The following ROPN1 variants were observed in gnomAD, a reference collection of about 807,000 sequenced individuals.
ROPN1 encodes rhophilin associated tail protein 1.
A neutral mutation model predicts 20.5 loss-of-function variants in ROPN1; 14 were observed. That is an observed-to-expected ratio of 0.68 (90% CI 0.45 to 1.07). The LOEUF (loss-of-function observed/expected upper bound fraction) is 1.07, where lower values mean the gene tolerates loss of function less well. Among genes scored for constraint, ROPN1 ranks in the 50% least tolerant of loss-of-function variants. The pLI, the probability that ROPN1 is intolerant of heterozygous loss-of-function variation, is 0.00. For missense variants in ROPN1, 169 were observed against 242.8 expected, an observed-to-expected ratio of 0.70 and a Z score of 2.02; for synonymous variants, 76 against 95.7, an observed-to-expected ratio of 0.79 and a Z score of 1.20.
At chr3:123,980,169 G>A (rs1355727757) in intron 2 of ROPN1, 197 bp downstream of exon 2, 13 of 615,388 alleles carry the variant, frequency 2.1e-5, no homozygotes, top group Non-Finnish European at 3.8e-5. Context: ...CCTTAGGGGA[G>A]GCATCCCATC....
intron 5 of ROPN1, among the ~76,000 whole-genome samples, chr3:123,969,426 C>A (rs1321573580): frequency 1.3e-5 from 2 of 152,158 alleles, no homozygotes; most frequent in Non-Finnish European, 2.9e-5. Context: ...CAACCTCTGC[C>A]TCCTGGGCTC....
chr3:123,988,131 C>A (rs1257179996), intron 1 of ROPN1, among the ~76,000 whole-genome samples: 1 of 151,488 alleles, frequency 6.6e-6, no homozygotes, highest in East Asian at 2.0e-4. Flanking sequence ...CCATTTTCAT[C>A]TTTTACTTGT....
At chr3:123,989,947 C>T (rs1317584910) in intron 1 of ROPN1, among the ~76,000 whole-genome samples, 2 of 152,162 alleles carry the variant, frequency 1.3e-5, no homozygotes, top group Non-Finnish European at 2.9e-5. Context: ...TAGATCTCTC[C>T]TGACATATTA....
intron 1 of ROPN1, among the ~76,000 whole-genome samples, chr3:123,984,114 A>G (rs922027367): frequency 2.0e-5 from 3 of 151,982 alleles, no homozygotes; most frequent in African/African-American, 7.3e-5. Context: ...AGAGTTAGCA[A>G]TCTTCCCCCA....
intron 1 of ROPN1, among the ~76,000 whole-genome samples, chr3:123,990,955 A>G (rs1329776823): frequency 6.6e-6 from 1 of 152,224 alleles, no homozygotes; most frequent in Non-Finnish European, 1.5e-5. Context: ...GCTCCAGGGC[A>G]GAATCTCAGA....
chr3:123,974,424 CT>C (rs2037977525), intron 4 of ROPN1: 1 of 152,184 alleles, frequency 6.6e-6, no homozygotes, highest in Non-Finnish European at 1.5e-5. Context: ...CTCTTGTTTA[CT>C]TCTCTCTAAA....
Position 123,986,018 on chromosome 3 carries a change from A to AAAAAAAAAAT in ROPN1, c.-12-5526_-12-5525insATTTTTTTTT, listed in dbSNP as rs201340337. ...AAAAAAAAAAAAAAAAAAAAAAAAAATCAAAATATTTAAATTATACTTGAA... is the reference window on the plus strand; with the variant it reads ...AAAAAAAAAAAAAAAAAAAAAAAAAAAAAAAAAAATTCAAAATATTTAAATTATACTTGAA... On this transcript the variant is annotated intron_variant, in intron 1 of 5. Coordinates refer to ENST00000405845, the MANE Select transcript of ROPN1 (RefSeq NM_001317774.2). Among the ~76,000 whole-genome samples the AAAAAAAAAAT allele has an allele frequency of 6.8e-3, 642 of 93,956 alleles. 167 individuals carry two copies. Among genetic ancestry groups the AAAAAAAAAAT allele is most frequent in the South Asian group, 0.035 (87 of 2,486 alleles). 61.6% of individuals were successfully genotyped at this position (93,956 alleles called of 152,430 possible).
chr3:123,976,553 G>A (rs1161043225), intron 3 of ROPN1, among the ~76,000 whole-genome samples: 2 of 152,138 alleles, frequency 1.3e-5, no homozygotes, highest in African/African-American at 2.4e-5. Context: ...GATCAGTAAG[G>A]AGACACTGTC....
Position 123,970,365 on chromosome 3 carries a change from CA to C in ROPN1, c.397-149del, listed in dbSNP as rs545145825. 2.2e-3 allele frequency: 1,470 copies of C among 669,142 alleles called. 14 individuals are homozygous for C. The African/African-American group carries it at 0.022, about 10-fold the overall frequency. The allele number at this position is 669,142 out of a possible 1,614,324, so 41.5% of individuals were successfully genotyped here. A position where few individuals can be genotyped will look rare whatever the true frequency, so the allele number is the denominator to read the frequency against. On this transcript the variant is annotated intron_variant, in intron 4 of 5. Coordinates refer to ENST00000405845, the MANE Select transcript of ROPN1 (RefSeq NM_001317774.2). ...GATTCTAGAAAGCTTGAAATTTTTACATTCAAATGTCACTAATTCATTCTAA... is the reference window on the plus strand; with the variant it reads ...GATTCTAGAAAGCTTGAAATTTTTACTTCAAATGTCACTAATTCATTCTAA...
At chr3:123,989,896 G>T (rs1189369803) in intron 1 of ROPN1, among the ~76,000 whole-genome samples, 1 of 152,114 alleles carries the variant, frequency 6.6e-6, no homozygotes, top group Non-Finnish European at 1.5e-5. Flanking sequence ...TCTATCTCAG[G>T]GGTAGTGGTT....
chr3:123,979,974 G>A (rs2038103105), intron 2 of ROPN1: 1 of 413,216 alleles, frequency 2.4e-6, no homozygotes, highest in South Asian at 3.9e-5. Flanking sequence ...CTAGTGGTGA[G>A]ACAGGAGAAC....
intron 1 of ROPN1, among the ~76,000 whole-genome samples, chr3:123,989,651 T>C (rs897556384): frequency 2.6e-5 from 4 of 152,360 alleles, no homozygotes; most frequent in East Asian, 1.9e-4. Context: ...AGTGCCCAAC[T>C]GCTGGAGTAC....
chr3:123,981,513 C>G (rs1286416015), intron 1 of ROPN1: 1 of 153,772 alleles, frequency 6.5e-6, no homozygotes, highest in Non-Finnish European at 1.5e-5. Context: ...AAACTTGAGA[C>G]CCGCCCAGGG....
intron 1 of ROPN1, among the ~76,000 whole-genome samples, chr3:123,989,079 G>A (rs914027571): frequency 2.6e-5 from 4 of 152,214 alleles, no homozygotes; most frequent in South Asian, 2.1e-4. Context: ...GAAGACAGCC[G>A]GGTACAGGGC....
intron 1 of ROPN1, among the ~76,000 whole-genome samples, chr3:123,990,199 G>A (rs1337964805): frequency 6.6e-6 from 1 of 152,140 alleles, no homozygotes; most frequent in Non-Finnish European, 1.5e-5. Flanking sequence ...GCCTTGAAAA[G>A]TAGTTGCAAT....
At chr3:123,979,503 T>C (rs1406178949) in intron 2 of ROPN1, 1 of 373,752 alleles carries the variant, frequency 2.7e-6, no homozygotes, top group Non-Finnish European at 5.3e-6. Flanking sequence ...AAGTCCTGGT[T>C]CCCCAGTTTC....
At chr3:123,981,040 C>A (rs1208171090) in intron 1 of ROPN1, among the ~76,000 whole-genome samples, 2 of 152,116 alleles carry the variant, frequency 1.3e-5, no homozygotes, top group African/African-American at 4.8e-5. Context: ...ATGTTCTTTT[C>A]CACTCTAATT....
intron 1 of ROPN1, among the ~76,000 whole-genome samples, chr3:123,981,045 CTAAT>C (rs1330899128): frequency 1.1e-4 from 17 of 152,174 alleles, no homozygotes; most frequent in Admixed American, 1.0e-3. Flanking sequence ...CTTTTCCACT[CTAAT>C]TGTCAGGTGG....
At position 123,970,881 on chromosome 3, in the gene ROPN1, A is replaced by G. The variant is rs541805512; in HGVS notation, c.397-664T>C. On this transcript the variant is annotated intron_variant, in intron 4 of 5. Transcript: ENST00000405845. The stretch of plus-strand genomic sequence containing the variant: ...CAGGAATTTTAATAGAAGGGTTACT[A>G]CAGAAGCAAACCCTCCTTGCAATGA... Among the ~76,000 whole-genome samples, 37 of 152,324 alleles carry G rather than the reference A, an allele frequency of 2.4e-4. No homozygotes were observed. In the South Asian group the frequency reaches 2.7e-3, roughly 11 times the overall value.
Sources: allele counts gnomAD v4.1 joint callset (sites outside exome capture counted in the v4.1 genomes callset), GRCh38; gene constraint gnomAD v4.1.1; transcripts MANE v1.5; gene names NCBI Gene and HGNC (gene_info 2026-07-23, HGNC 2026-07-21).